Variants in AFDN observed in about 807,000 individuals in gnomAD.
AFDN encodes the protein afadin.
In AFDN, 68 loss-of-function variants were observed where a neutral mutation model predicts 216.6. That is an observed-to-expected ratio of 0.31 (90% CI 0.26 to 0.38). The LOEUF is 0.38. Among genes scored for constraint, AFDN ranks in the 10% least tolerant of loss-of-function variants. The pLI is 1.00. For missense variants in AFDN, 2,136 were observed against 2,342.0 expected, an observed-to-expected ratio of 0.91 and a Z score of 1.82; for synonymous variants, 868 against 853.7, an observed-to-expected ratio of 1.02 and a Z score of -0.29.
Position 167,904,264 on chromosome 6 carries a change from A to G in AFDN, c.1650+1878A>G, listed in dbSNP as rs975501466. 1.1e-4 allele frequency among the ~76,000 whole-genome samples: 16 copies of G among 150,220 alleles called. No individual in the cohort carries two copies. In the South Asian group the frequency reaches 1.9e-3, roughly 18 times the overall value. On this transcript the variant is annotated intron_variant, in intron 12 of 33. Coordinates refer to ENST00000683244, the MANE Select transcript of AFDN (RefSeq NM_001386888.1). ...TGCTCTCTCTCCCAGTTTGGAGTGC[A>G]GTGGCATGATCTCGGCTCACTGCAA...
Position 167,931,222 on chromosome 6 carries a change from A to G in AFDN, c.3099+6131A>G, listed in dbSNP as rs186912106. Among the ~76,000 whole-genome samples the G allele has an allele frequency of 4.6e-3, 703 of 152,300 alleles. 6 individuals are homozygous for G. Among genetic ancestry groups the G allele is most frequent in the Non-Finnish European group, 6.0e-3 (406 of 68,016 alleles). ...GAAAGAGGGAAGTATGATGAATCTC[A>G]AGAAGATGAATCTTGATTCTGTCTT... is the stretch of plus-strand genomic sequence containing the variant. On this transcript the variant is annotated intron_variant, in intron 23 of 33. Transcript: ENST00000683244.
chr6:167,923,503 C>G (rs1209560832), intron 22 of AFDN, among the ~76,000 whole-genome samples: 12 of 151,858 alleles, frequency 7.9e-5, no homozygotes, highest in Admixed American at 7.9e-4. Flanking sequence ...CCTGGCATAC[C>G]TTAGGTTTGA....
intron 23 of AFDN, among the ~76,000 whole-genome samples, chr6:167,926,156 C>G (rs1016091148): frequency 3.3e-5 from 5 of 152,134 alleles, no homozygotes; most frequent in African/African-American, 1.2e-4. Context: ...TCATTTGAAA[C>G]CTTGCCATTC....
rs568300419 is a variant in AFDN at position 167,911,777 on chromosome 6, T to C, written c.2037+288T>C. ...GTGGGCTTTTGTAGAATTTTTTCTG[T>C]AAATAATTTGTTGAGATGAAGTTCA... On this transcript the variant is annotated intron_variant, in intron 15 of 33. Coordinates refer to ENST00000683244, the MANE Select transcript of AFDN (RefSeq NM_001386888.1). 3.2e-4 allele frequency: 131 copies of C among 409,432 alleles called. No homozygotes were observed. The East Asian group carries it at 6.3e-3, about 20-fold the overall frequency. 25.4% of individuals were successfully genotyped at this position (409,432 alleles called of 1,614,324 possible).
chr6:167,949,117 T>C (rs1371374518), intron 29 of AFDN, among the ~76,000 whole-genome samples: 1 of 152,232 alleles, frequency 6.6e-6, no homozygotes, highest in Non-Finnish European at 1.5e-5. Flanking sequence ...AGACGGGTGA[T>C]GCCAATCTGA....
At chr6:167,920,608 G>A (rs1431830386) in intron 21 of AFDN, among the ~76,000 whole-genome samples, 2 of 152,118 alleles carry the variant, frequency 1.3e-5, no homozygotes, top group East Asian at 1.9e-4. Flanking sequence ...CATGGTTTGC[G>A]GATGGCGCTC....
At chr6:167,903,625 A>G (rs1789272368) in intron 12 of AFDN, among the ~76,000 whole-genome samples, 1 of 152,212 alleles carries the variant, frequency 6.6e-6, no homozygotes, top group Non-Finnish European at 1.5e-5. Context: ...GAGTGTTCTC[A>G]TCAGCATCAA....
At chr6:167,891,683 TACAC>T (rs986705195) in intron 8 of AFDN, among the ~76,000 whole-genome samples, 1 of 152,194 alleles carries the variant, frequency 6.6e-6, no homozygotes, top group African/African-American at 2.4e-5. Flanking sequence ...GGAAATGTTT[TACAC>T]ACACATTCCT....
At chr6:167,948,518 A>C in intron 29 of AFDN, 40 bp downstream of exon 29, 136 of 1,569,932 alleles carry the variant, frequency 8.7e-5, no homozygotes, top group Non-Finnish European at 1.1e-4. Flanking sequence ...CTCACCTCTC[A>C]AGGAGGACAC....
intron 1 of AFDN, among the ~76,000 whole-genome samples, chr6:167,859,544 A>T (rs1234594410): frequency 6.6e-6 from 1 of 152,186 alleles, no homozygotes; most frequent in Non-Finnish European, 1.5e-5. Flanking sequence ...ATAGAAGAAA[A>T]GTAAATTGTG....
rs939356582 is a variant in AFDN, at chr6:167,827,102, C to G, written c.-31C>G. 1.1e-4 allele frequency: 133 copies of G among 1,193,166 alleles called. No homozygotes were observed. The highest frequency in any genetic ancestry group is 1.4e-4 in the Non-Finnish European group (127 of 929,914). 73.9% of individuals were successfully genotyped at this position (1,193,166 alleles called of 1,614,324 possible). A position where few individuals can be genotyped will look rare whatever the true frequency, so the allele number is the denominator to read the frequency against. On this transcript the variant is annotated 5_prime_UTR_variant, in exon 1 of 34. Transcript: ENST00000683244. ...CCTCGGCCCGTCCTCCGGCCCCGGCCCCGCGCGGCTGAGGAGGCGCGGCCA... is the reference window on the plus strand; with the variant it reads ...CCTCGGCCCGTCCTCCGGCCCCGGCGCCGCGCGGCTGAGGAGGCGCGGCCA...
chr6:167,848,969 G>A (rs1034685364), intron 1 of AFDN, among the ~76,000 whole-genome samples: 3 of 152,200 alleles, frequency 2.0e-5, no homozygotes, highest in Non-Finnish European at 4.4e-5. Context: ...ACAGCAGGAT[G>A]AGACGCAGTG....
At chr6:167,933,891 C>T (rs1349554608) in intron 23 of AFDN, among the ~76,000 whole-genome samples, 1 of 152,044 alleles carries the variant, frequency 6.6e-6, no homozygotes, top group Admixed American at 6.6e-5. Context: ...TGTGGGGTAG[C>T]CCAGAGGTTC....
intron 21 of AFDN, among the ~76,000 whole-genome samples, 191 bp downstream of exon 21, chr6:167,919,124 C>T (rs1791471978): frequency 6.6e-6 from 1 of 152,172 alleles, no homozygotes; most frequent in Non-Finnish European, 1.5e-5. Flanking sequence ...AGACACAGAG[C>T]CCTTGGGCAT....
intron 11 of AFDN, among the ~76,000 whole-genome samples, chr6:167,900,704 C>T: frequency 6.6e-6 from 1 of 152,128 alleles, no homozygotes; most frequent in Non-Finnish European, 1.5e-5. Flanking sequence ...ATACTACCCA[C>T]AAGAGGAAGT....
intron 12 of AFDN, among the ~76,000 whole-genome samples, chr6:167,906,862 T>G (rs954108245): frequency 6.6e-6 from 1 of 152,242 alleles, no homozygotes; most frequent in Non-Finnish European, 1.5e-5. Flanking sequence ...TGGAATCGAA[T>G]TACTATTAAT....
intron 9 of AFDN, among the ~76,000 whole-genome samples, chr6:167,896,425 A>C (rs1788256567): frequency 6.6e-6 from 1 of 152,150 alleles, no homozygotes; most frequent in Admixed American, 6.5e-5. Context: ...TGCACATTTA[A>C]AAACCTCCGT....
chr6:167,893,892 A>G lies in AFDN; in HGVS notation c.1208A>G (p.Tyr403Cys), dbSNP rs772507883. 2.1e-5 allele frequency: 34 copies of G among 1,588,608 alleles called. No individual in the cohort carries two copies. Among genetic ancestry groups the G allele is most frequent in the South Asian group, 9.2e-5 (8 of 86,952 alleles). The change falls in exon 9 of 34, where the codon TAT becomes TGT. Residue 403 changes from tyrosine (Y) to cysteine (C), a missense_variant. Tyr to Cys is a radical substitution (Grantham distance 194). This residue lies in a region of AFDN where 817 missense variants were observed against 965.7 expected (regional missense o/e 0.85). Transcript: ENST00000683244. Reference protein sequence around the residue: ...GRRNHFAYYNYHTYEDGSDSR... With the variant: ...GRRNHFAYYNCHTYEDGSDSR... ...AGGAATCACTTTGCCTACTACAACTATCACACTTACGAAGGTAATGCTATG... is the reference window on the plus strand; with the variant it reads ...AGGAATCACTTTGCCTACTACAACTGTCACACTTACGAAGGTAATGCTATG...
chr6:167,867,532 C>T (rs556875585), intron 2 of AFDN, among the ~76,000 whole-genome samples: 5 of 151,616 alleles, frequency 3.3e-5, no homozygotes, highest in Non-Finnish European at 7.4e-5. Flanking sequence ...CGGGTTCACG[C>T]GATTCTCCTG....
Sources: gnomAD v4.1 joint callset for allele counts (sites outside exome capture counted in the v4.1 genomes callset) on GRCh38, gnomAD v4.1.1 for gene constraint, gnomAD v4.1.1 regional missense constraint, MANE v1.5 for transcripts, NCBI Gene and HGNC (gene_info 2026-07-23, HGNC 2026-07-21) for gene names.